PPP1R13L: variants seen among roughly 807,000 people sequenced by gnomAD.
PPP1R13L encodes protein phosphatase 1 regulatory subunit 13 like, also known as relA-associated inhibitor.
In PPP1R13L, 50 loss-of-function variants were observed where a neutral mutation model predicts 80.9. The ratio of observed to expected loss-of-function variants is 0.62; its 90% CI spans 0.49 to 0.78. The LOEUF (loss-of-function observed/expected upper bound fraction) is 0.78. PPP1R13L is among the 30% of genes least tolerant of loss of function. The pLI is 0.00. For synonymous variants in PPP1R13L, 602 were observed against 534.3 expected (o/e 1.13, Z -1.75); for missense variants, 1,200 against 1,205.9 (o/e 1.00, Z 0.07).
At chr19:45,399,704 A>T (rs1271182962) in intron 1 of PPP1R13L, among the ~76,000 whole-genome samples, 1 of 151,896 alleles carries the variant, frequency 6.6e-6, no homozygotes, top group African/African-American at 2.4e-5. Context: ...CTGTAACCCG[A>T]GCACTTTGGG....
Position 45,396,241 on chromosome 19 carries a change from CT to C in PPP1R13L, c.829del (p.Arg277GlyfsTer98). The C allele has an allele frequency of 6.2e-7, 1 of 1,610,488 alleles. No individual in the cohort carries two copies. Among genetic ancestry groups the C allele is most frequent in the Non-Finnish European group, 8.5e-7 (1 of 1,179,484 alleles). On this transcript the variant is annotated frameshift_variant, in exon 6 of 13. Coordinates refer to ENST00000360957, the MANE Select transcript of PPP1R13L (RefSeq NM_006663.4). LOFTEE classifies it high-confidence loss of function. The surrounding 1 kb of genome is among the most constrained non-coding windows in gnomAD (Gnocchi z 5.3). Reference sequence around the variant, plus strand: ...CAGCTGCAGGCTCGGCGAGGCAGGCCTTGCGAAGACGTCCAGGCCTGCGGGG... The same window carrying C: ...CAGCTGCAGGCTCGGCGAGGCAGGCCTGCGAAGACGTCCAGGCCTGCGGGG... ...ASYERLDVFA[R>X]PASPSLQLLP...
chr19:45,382,364 A>G (rs1972779355), intron 12 of PPP1R13L, among the ~76,000 whole-genome samples, 163 bp downstream of exon 12: 1 of 152,222 alleles, frequency 6.6e-6, no homozygotes, highest in African/African-American at 2.4e-5. Context: ...ATTAAATATA[A>G]CGGACTTTTC....
chr19:45,382,607 T>G lies in PPP1R13L; in HGVS notation c.2368A>C (p.Arg790=), dbSNP rs753343416. 6.2e-7 allele frequency: 1 copy of G among 1,613,534 alleles called. No individual in the cohort carries two copies. The highest frequency in any genetic ancestry group is 8.5e-7 in the Non-Finnish European group (1 of 1,179,988). Residue 790 remains arginine, a synonymous_variant, in exon 12 of 13, where the codon AGG becomes CGG. Transcript: ENST00000360957. ...REGESVTVLR[R]DGPEETDWWW... ...CAGTCGGTCTCCTCCGGCCCGTCCCTCCGCAGCACGGTGACCGACTCGCCC... is the reference window on the plus strand; with the variant it reads ...CAGTCGGTCTCCTCCGGCCCGTCCCGCCGCAGCACGGTGACCGACTCGCCC...
At position 45,391,923 on chromosome 19, in the gene PPP1R13L, G is replaced by C; in HGVS notation, c.1772C>G (p.Pro591Arg). The C allele has an allele frequency of 1.3e-6, 2 of 1,500,254 alleles. No homozygotes were observed. The highest frequency in any genetic ancestry group is 2.4e-5 in the Admixed American group (1 of 41,926). 92.9% of individuals were successfully genotyped at this position (1,500,254 alleles called of 1,614,324 possible). A position where few individuals can be genotyped will look rare whatever the true frequency, so the allele number is the denominator to read the frequency against. ...APAPPAPIPP[P>R]APSQSSPPEQ... Reference sequence around the variant, plus strand: ...TGGTGGGCTGCTCTGGGACGGGGCCGGGGGTGGAATGGGAGCTGGTGGGGC... The same window carrying C: ...TGGTGGGCTGCTCTGGGACGGGGCCCGGGGTGGAATGGGAGCTGGTGGGGC... Residue 591 changes from proline to arginine, a missense_variant, in exon 8 of 13, where the codon CCG (proline) becomes CGG (arginine). Coordinates refer to ENST00000360957, the MANE Select transcript of PPP1R13L (RefSeq NM_006663.4).
In PPP1R13L at chr19:45,391,967, C is replaced by G; in HGVS notation, c.1728G>C (p.Arg576Ser). Residue 576 changes from arginine (R) to serine (S), a missense_variant, in exon 8 of 13, where the codon AGG becomes AGC. By Grantham distance (110) the Arg-to-Ser change is moderately radical (BLOSUM62 -1). Transcript: ENST00000360957. ...GTGGGGCAGGAGCAGGGGGCCCTGC[C>G]CTGGCCTCAGATCCCTCAGTGATGG... ...LSPITEGSEARAGPPAPAPPA... is the reference protein window; with the variant it reads ...LSPITEGSEASAGPPAPAPPA... 1 of 1,519,080 alleles carries G rather than the reference C, an allele frequency of 6.6e-7. No homozygotes were observed. Among genetic ancestry groups the G allele is most frequent in the Non-Finnish European group, 8.8e-7 (1 of 1,135,500 alleles). The allele number at this position is 1,519,080 out of a possible 1,614,324, so 94.1% of individuals were successfully genotyped here.
rs1043788675 is a variant in PPP1R13L, at chr19:45,397,057, G to A, written c.200C>T (p.Pro67Leu). The change falls in exon 4 of 13, where the codon CCG becomes CTG. Residue 67 changes from proline to leucine, a missense_variant and splice_region_variant. Coordinates refer to ENST00000360957, the MANE Select transcript of PPP1R13L (RefSeq NM_006663.4). ...GATCGAGCTGGAGCTGTACCGGGGCGGCTGTGGGGAGGCCAGGGCATTGAG... is the reference window on the plus strand; with the variant it reads ...GATCGAGCTGGAGCTGTACCGGGGCAGCTGTGGGGAGGCCAGGGCATTGAG... ...PGPQAGPPSR[P>L]PRYSSSSIPE... is the part of the protein sequence containing the mutation. 7.6e-7 allele frequency: 1 copy of A among 1,310,856 alleles called. No homozygotes were observed. Among genetic ancestry groups the A allele is most frequent in the Non-Finnish European group, 9.7e-7 (1 of 1,030,550 alleles). 81.2% of individuals were successfully genotyped at this position (1,310,856 alleles called of 1,614,324 possible).
At chr19:45,384,922 C>T (rs1972837131) in intron 11 of PPP1R13L, among the ~76,000 whole-genome samples, 1 of 151,994 alleles carries the variant, frequency 6.6e-6, no homozygotes, top group African/African-American at 2.4e-5. Flanking sequence ...ACCAGGCTCA[C>T]CTTTCAAATA....
chr19:45,382,762 G>T, intron 11 of PPP1R13L, 36 bp from the exon 12 acceptor site: 1 of 1,609,098 alleles, frequency 6.2e-7, no homozygotes, highest in East Asian at 2.2e-5. Context: ...TGAGAGCCTG[G>T]CCCAGGGGGT....
intron 10 of PPP1R13L, 26 bp from the exon 11 acceptor site, chr19:45,385,754 G>T: frequency 6.2e-7 from 1 of 1,607,970 alleles, no homozygotes; most frequent in Non-Finnish European, 8.5e-7. Context: ...GGGGGTTGCG[G>T]GGAACGATGC....
chr19:45,383,249 C>T (rs992630236), intron 11 of PPP1R13L, among the ~76,000 whole-genome samples: 6 of 149,964 alleles, frequency 4.0e-5, no homozygotes, highest in Non-Finnish European at 7.4e-5. Context: ...CCACATTGGC[C>T]TCCCAAAGTG....
chr19:45,397,858 GCCT>G, intron 3 of PPP1R13L, 144 bp downstream of exon 3: 1 of 1,039,144 alleles, frequency 9.6e-7, no homozygotes, highest in South Asian at 1.9e-5. Flanking sequence ...GAGCCATCGC[GCCT>G]GGCCTGGTCC....
At position 45,385,779 on chromosome 19, in the gene PPP1R13L, G is replaced by T. The variant is rs372333528; in HGVS notation, c.2081+45C>A. The stretch of plus-strand genomic sequence containing the variant: ...GGGAACGATGCGTGAGAGGCTGCGC[G>T]TCCGCCCACGGGGGACCCAGCCCAC... On this transcript the variant is annotated intron_variant, in intron 10 of 12. Coordinates refer to ENST00000360957, the MANE Select transcript of PPP1R13L (RefSeq NM_006663.4). The T allele has an allele frequency of 5.3e-4, 860 of 1,608,146 alleles. 1 individual carries two copies. The highest frequency in any genetic ancestry group is 8.8e-4 in the South Asian group (80 of 90,914).
rs770627267 is a variant in PPP1R13L, at chr19:45,396,712, C to G, written c.545G>C (p.Gly182Ala). 9 of 1,400,134 alleles carry G rather than the reference C, an allele frequency of 6.4e-6. No individual in the cohort carries two copies. Among genetic ancestry groups the G allele is most frequent in the Non-Finnish European group, 8.3e-6 (9 of 1,086,582 alleles). The allele number at this position is 1,400,134 out of a possible 1,614,324, so 86.7% of individuals were successfully genotyped here. A position where few individuals can be genotyped will look rare whatever the true frequency, so the allele number is the denominator to read the frequency against. ...CGCCAGGGGGCTGCCGCGGGGGGAG[C>G]CTGCGCGGCCCAGGAAGTCGAAAGG... The part of the protein sequence containing the change: ...PTPFDFLGRA[G>A]SPRGSPLAEG... The change falls in exon 4 of 13, where the codon GGC becomes GCC. Residue 182 changes from glycine to alanine, a missense_variant. By Grantham distance (60) the Gly-to-Ala change is moderately conservative. Transcript: ENST00000360957. The surrounding 1 kb of genome is among the most constrained non-coding windows in gnomAD (Gnocchi z 5.3).
chr19:45,392,163 G>A lies in PPP1R13L; in HGVS notation c.1532C>T (p.Ala511Val). 1 of 1,600,630 alleles carries A rather than the reference G, an allele frequency of 6.2e-7. No individual in the cohort carries two copies. ...CCGGGGAATTTCCGCCAACACCCGT[G>A]CCACCTCCTCCAGCTCGGGCACCGA... Reference protein sequence around the residue: ...AQSVPELEEVARVLAEIPRPL... With the variant: ...AQSVPELEEVVRVLAEIPRPL... The change falls in exon 8 of 13, where the codon GCA becomes GTA. Residue 511 changes from alanine to valine, a missense_variant. Around this residue, in one of 5 missense-constraint regions of PPP1R13L, gnomAD observed 53 missense variants for 96.5 expected, o/e 0.55. Transcript: ENST00000360957.
intron 8 of PPP1R13L, among the ~76,000 whole-genome samples, chr19:45,389,432 G>A (rs1203909922): frequency 6.6e-6 from 1 of 152,164 alleles, no homozygotes; most frequent in Non-Finnish European, 1.5e-5. Context: ...AGATCAGCAG[G>A]AGACCATCCC....
chr19:45,380,049 G>A lies in PPP1R13L; in HGVS notation c.*141C>T. The stretch of plus-strand genomic sequence containing the variant: ...GCCCTCCTTCTTCCCTGGACTTCCA[G>A]GAGAACAGAGAACCGGTGGCAAGGA... On this transcript the variant is annotated 3_prime_UTR_variant, in exon 13 of 13. Transcript: ENST00000360957. 1 of 924,276 alleles carries A rather than the reference G, an allele frequency of 1.1e-6. No individual in the cohort carries two copies. Among genetic ancestry groups the A allele is most frequent in the Non-Finnish European group, 1.7e-6 (1 of 596,462 alleles). 57.3% of individuals were successfully genotyped at this position (924,276 alleles called of 1,614,324 possible). A position where few individuals can be genotyped will look rare whatever the true frequency, so the allele number is the denominator to read the frequency against.
chr19:45,390,878 C>A (rs1035018132), intron 8 of PPP1R13L, among the ~76,000 whole-genome samples: 2 of 152,110 alleles, frequency 1.3e-5, no homozygotes, highest in Non-Finnish European at 2.9e-5. Context: ...GCCACCGCGC[C>A]CGGCCGAGAC....
At chr19:45,397,398 C>G (rs1298545047) in intron 3 of PPP1R13L, among the ~76,000 whole-genome samples, 1 of 150,444 alleles carries the variant, frequency 6.6e-6, no homozygotes, top group Non-Finnish European at 1.5e-5. Context: ...TTTCTTTCCT[C>G]TCTCTCCTTC....
intron 8 of PPP1R13L, among the ~76,000 whole-genome samples, chr19:45,387,420 G>T (rs886654396): frequency 6.6e-6 from 1 of 152,226 alleles, no homozygotes; most frequent in Non-Finnish European, 1.5e-5. Flanking sequence ...CAGATGCTCA[G>T]TTATTTCAAG....
Sources: gnomAD v4.1 joint callset for allele counts (sites outside exome capture counted in the v4.1 genomes callset) on GRCh38, gnomAD v4.1.1 for gene constraint, gnomAD v4.1.1 regional missense constraint, Gnocchi (gnomAD v3.1) non-coding constraint, MANE v1.5 for transcripts, NCBI Gene and HGNC (gene_info 2026-07-23, HGNC 2026-07-21) for gene names.